The following DOK6 variants were observed in gnomAD, a reference collection of about 807,000 sequenced individuals.
DOK6 encodes downstream of tyrosine kinase 6.
DOK6 carries 22 observed loss-of-function variants against 44.0 expected under a neutral mutation model. That is an observed-to-expected ratio of 0.50 (90% CI 0.36 to 0.71). The LOEUF (loss-of-function observed/expected upper bound fraction) is 0.71, where lower values mean the gene tolerates loss of function less well. DOK6 is among the 30% of genes least tolerant of loss of function. The pLI, the probability that DOK6 is intolerant of heterozygous loss-of-function variation, is 0.00. For synonymous variants in DOK6, 166 were observed against 145.5 expected (o/e 1.14, Z -1.01); for missense variants, 340 against 416.4 (o/e 0.82, Z 1.60).
At position 69,401,156 on chromosome 18, in the gene DOK6, A is replaced by T. The variant is rs1916087667; in HGVS notation, c.-89A>T. On this transcript the variant is annotated 5_prime_UTR_variant, in exon 1 of 8. It removes an upstream start codon present in the reference 5' UTR. Transcript: ENST00000382713. ...GCTGCTGCTGGCGGCGGCCGGCTGG[A>T]TGCGAGACCCGCGCAGACCCGGCGG... 1 of 1,318,048 alleles carries T rather than the reference A, an allele frequency of 7.6e-7. No individual in the cohort carries two copies. The highest frequency in any genetic ancestry group is 1.6e-5 in the African/African-American group (1 of 64,496). The allele number at this position is 1,318,048 out of a possible 1,614,324, so 81.6% of individuals were successfully genotyped here. A position where few individuals can be genotyped will look rare whatever the true frequency, so the allele number is the denominator to read the frequency against.
intron 2 of DOK6, among the ~76,000 whole-genome samples, chr18:69,595,802 C>T (rs545577575): frequency 2.3e-4 from 35 of 152,120 alleles, no homozygotes; most frequent in East Asian, 1.7e-3. Context: ...TTAATCCATG[C>T]GTAGTTTTTT....
intron 2 of DOK6, among the ~76,000 whole-genome samples, chr18:69,569,063 G>A (rs996039735): frequency 6.6e-6 from 1 of 151,748 alleles, no homozygotes; most frequent in East Asian, 1.9e-4. Flanking sequence ...CAAACCCCCT[G>A]GTCCATGGAA....
At position 69,702,826 on chromosome 18, in the gene DOK6, T is replaced by C. The variant is rs1002198354; in HGVS notation, c.599+4233T>C. Among the ~76,000 whole-genome samples the C allele has an allele frequency of 4.3e-4, 66 of 152,160 alleles. 2 individuals are homozygous for C. Among genetic ancestry groups the C allele is most frequent in the Non-Finnish European group, 7.4e-5 (5 of 68,012 alleles). ...TTGATTTAATGACTATGAATGAAGT[T>C]TAGGAACTTTCTGAATGAGAATAAA... On this transcript the variant is annotated intron_variant, in intron 5 of 7. Coordinates refer to ENST00000382713, the MANE Select transcript of DOK6 (RefSeq NM_152721.6).
intron 1 of DOK6, among the ~76,000 whole-genome samples, chr18:69,459,329 T>C (rs1032481824): frequency 6.6e-6 from 1 of 151,992 alleles, no homozygotes; most frequent in Non-Finnish European, 1.5e-5. Context: ...CTCATACATT[T>C]CTGTTAATAT....
intron 7 of DOK6, among the ~76,000 whole-genome samples, chr18:69,790,253 C>T (rs1980552161): frequency 1.1e-5 from 1 of 90,322 alleles, no homozygotes; most frequent in Admixed American, 1.7e-4. Flanking sequence ...ACATCACACA[C>T]TGGGGCCTGT....
At chr18:69,627,283 G>A (rs1256219578) in intron 3 of DOK6, among the ~76,000 whole-genome samples, 1 of 152,164 alleles carries the variant, frequency 6.6e-6, no homozygotes, top group African/African-American at 2.4e-5. Flanking sequence ...TGCTGATTGA[G>A]TGGCAGCCAA....
chr18:69,669,788 T>C (rs1985751743), intron 3 of DOK6, among the ~76,000 whole-genome samples: 1 of 152,206 alleles, frequency 6.6e-6, no homozygotes, highest in Admixed American at 6.5e-5. Flanking sequence ...CTATTTAATT[T>C]ATTAAGCTTC....
intron 6 of DOK6, among the ~76,000 whole-genome samples, chr18:69,754,688 T>G (rs552643637): frequency 2.6e-5 from 4 of 152,240 alleles, no homozygotes; most frequent in Non-Finnish European, 5.9e-5. Context: ...ACTTCCTTGC[T>G]GTGTCCTTAA....
intron 1 of DOK6, among the ~76,000 whole-genome samples, chr18:69,489,116 A>G (rs892625795): frequency 1.3e-5 from 2 of 152,216 alleles, no homozygotes; most frequent in African/African-American, 4.8e-5. Flanking sequence ...ACACAAGTTC[A>G]CTAGTTAGAT....
intron 2 of DOK6, among the ~76,000 whole-genome samples, chr18:69,585,783 A>G (rs375929493): frequency 2.0e-5 from 3 of 152,354 alleles, no homozygotes; most frequent in African/African-American, 4.8e-5. Context: ...CTTGAATAAC[A>G]TTCATAGACT....
At chr18:69,806,729 TC>T (rs1241146268) in intron 7 of DOK6, among the ~76,000 whole-genome samples, 4 of 151,938 alleles carry the variant, frequency 2.6e-5, no homozygotes, top group African/African-American at 4.8e-5. Flanking sequence ...AATCAGAGAC[TC>T]ACACCACTGG....
At chr18:69,665,541 G>T (rs1217158870) in intron 3 of DOK6, among the ~76,000 whole-genome samples, 1 of 152,172 alleles carries the variant, frequency 6.6e-6, no homozygotes, top group Admixed American at 6.5e-5. Context: ...TTTTCTGGGA[G>T]TTTTCCAATT....
intron 2 of DOK6, among the ~76,000 whole-genome samples, chr18:69,574,757 G>T (rs560857636): frequency 6.6e-6 from 1 of 152,060 alleles, no homozygotes; most frequent in South Asian, 2.1e-4. Flanking sequence ...GTTGTGAAAG[G>T]GTTAAAATGT....
At chr18:69,417,844 T>G (rs1039326380) in intron 1 of DOK6, among the ~76,000 whole-genome samples, 6 of 152,162 alleles carry the variant, frequency 3.9e-5, no homozygotes, top group African/African-American at 1.4e-4. Flanking sequence ...TACCTTTGAC[T>G]ATTTGGCTTC....
intron 3 of DOK6, among the ~76,000 whole-genome samples, chr18:69,665,647 G>GAAGCTC (rs1329253390): frequency 6.6e-6 from 1 of 152,196 alleles, no homozygotes; most frequent in Admixed American, 6.5e-5. Context: ...TTCTGCCCTA[G>GAAGCTC]AAGCTCAAGG....
At chr18:69,626,489 C>G (rs1984559921) in intron 3 of DOK6, among the ~76,000 whole-genome samples, 1 of 152,164 alleles carries the variant, frequency 6.6e-6, no homozygotes, top group Admixed American at 6.5e-5. Context: ...AGGAATACAG[C>G]TGCAAACAAG....
chr18:69,601,257 T>A (rs915869266), intron 3 of DOK6, among the ~76,000 whole-genome samples: 5 of 152,296 alleles, frequency 3.3e-5, no homozygotes, highest in African/African-American at 1.2e-4. Flanking sequence ...AATGGCCCAA[T>A]TGAAAGCAAA....
chr18:69,573,659 A>C (rs1238553438), intron 2 of DOK6, among the ~76,000 whole-genome samples: 1 of 151,806 alleles, frequency 6.6e-6, no homozygotes, highest in Non-Finnish European at 1.5e-5. Context: ...GAGTGTATGC[A>C]AGGCCCCTTT....
At chr18:69,425,189 A>T (rs1229964226) in intron 1 of DOK6, among the ~76,000 whole-genome samples, 2 of 152,148 alleles carry the variant, frequency 1.3e-5, no homozygotes, top group South Asian at 2.1e-4. Context: ...GTAGAGCCTT[A>T]TGTGCATTGT....
Sources: gnomAD v4.1 joint callset for allele counts (sites outside exome capture counted in the v4.1 genomes callset) on GRCh38, gnomAD v4.1.1 for gene constraint, MANE v1.5 for transcripts, NCBI Gene and HGNC (gene_info 2026-07-23, HGNC 2026-07-21) for gene names.